SLC35F4: variants seen among roughly 807,000 people sequenced by gnomAD.
SLC35F4 encodes solute carrier family 35 member F4, also known as chromosome 14 open reading frame 36.
Under a neutral mutation model 44.2 loss-of-function variants are expected in SLC35F4, and 24 were observed. The observed-to-expected ratio is 0.54, with a 90% CI of 0.39 to 0.76. The LOEUF (loss-of-function observed/expected upper bound fraction) is 0.76, where lower values mean the gene tolerates loss of function less well. SLC35F4 is among the 30% of genes least tolerant of loss of function. The pLI is 0.00. For missense variants in SLC35F4, 562 were observed against 586.1 expected (o/e 0.96, Z 0.42); for synonymous variants, 238 against 223.6 (o/e 1.06, Z -0.57).
intron 1 of SLC35F4, among the ~76,000 whole-genome samples, chr14:57,722,913 T>C (rs376024681): frequency 2.0e-5 from 3 of 152,200 alleles, no homozygotes; most frequent in African/African-American, 7.2e-5. Context: ...AGGGGAAGGC[T>C]GGGTTCCCTT....
intron 1 of SLC35F4, among the ~76,000 whole-genome samples, chr14:57,728,441 CTTTTTTTTTTTTTT>C (rs869064667): frequency 1.2e-4 from 7 of 59,026 alleles, no homozygotes; most frequent in Admixed American, 2.7e-4. Context: ...TTCTTTCTTT[CTTTTTTTTTTTTTT>C]TTTTTTTTTT....
intron 1 of SLC35F4, among the ~76,000 whole-genome samples, chr14:57,684,982 G>C (rs553765625): frequency 6.6e-6 from 1 of 152,130 alleles, no homozygotes; most frequent in South Asian, 2.1e-4. Context: ...TGAGCTATGG[G>C]TCTTAAGTGT....
Position 57,871,142 on chromosome 14 carries a change from C to A in SLC35F4, n.282+110771G>T, listed in dbSNP as rs568109420. ...GGCAGGCCCATTAGCCATTAGGCTTCCCAGCTTCAGCAGATATTCTGGTGC... is the reference window on the plus strand; with the variant it reads ...GGCAGGCCCATTAGCCATTAGGCTTACCAGCTTCAGCAGATATTCTGGTGC... On this transcript the variant is annotated intron_variant and non_coding_transcript_variant, in intron 1 of 1. Coordinates refer to the SLC35F4 transcript ENST00000556568. Among the ~76,000 whole-genome samples, 14 of 152,312 alleles carry A rather than the reference C, an allele frequency of 9.2e-5. No individual in the cohort carries two copies. The South Asian group carries it at 2.9e-3, about 32-fold the overall frequency.
intron 1 of SLC35F4, among the ~76,000 whole-genome samples, chr14:57,767,618 C>T (rs576896250): frequency 6.6e-6 from 1 of 151,138 alleles, no homozygotes; most frequent in African/African-American, 2.4e-5. Flanking sequence ...AACCAAGAAA[C>T]TAGAAAAGGA....
intron 1 of SLC35F4, among the ~76,000 whole-genome samples, chr14:57,710,075 A>G (rs181257821): frequency 5.9e-4 from 90 of 152,320 alleles, no homozygotes; most frequent in African/African-American, 2.0e-3. Flanking sequence ...AGGCCCTCCC[A>G]TCACAGGCCC....
intron 1 of SLC35F4, among the ~76,000 whole-genome samples, chr14:57,843,590 C>T (rs1595192242): frequency 6.6e-6 from 1 of 152,104 alleles, no homozygotes; most frequent in South Asian, 2.1e-4. Context: ...ACCTAAACTA[C>T]CACCAACTTT....
intron 1 of SLC35F4, among the ~76,000 whole-genome samples, chr14:57,688,851 A>G (rs1450364421): frequency 1.3e-5 from 2 of 152,130 alleles, no homozygotes; most frequent in African/African-American, 4.8e-5. Context: ...ATTATTTACC[A>G]TTGTAAATTA....
upstream of SLC35F4, among the ~76,000 whole-genome samples, chr14:57,867,465 A>C (rs1477856577): frequency 6.6e-6 from 1 of 152,022 alleles, no homozygotes; most frequent in Non-Finnish European, 1.5e-5. Flanking sequence ...TTCCTCCTAC[A>C]CCTGTTTTCT....
intron 1 of SLC35F4, among the ~76,000 whole-genome samples, chr14:57,724,415 G>A (rs1464777635): frequency 6.6e-6 from 1 of 152,152 alleles, no homozygotes; most frequent in Non-Finnish European, 1.5e-5. Flanking sequence ...GGGTTTTGGT[G>A]GAAACTGAAC....
In SLC35F4 at chr14:57,581,441, A is replaced by G. The variant is rs1166350474; in HGVS notation, c.588-8T>C. ...AAAATCCGACTGCATTCCCTAGGAA[A>G]GAAAAGAGAAGTTAATATCCAGGTA... On this transcript the variant is annotated splice_region_variant and splice_polypyrimidine_tract_variant and intron_variant, in intron 3 of 7. Coordinates refer to ENST00000556826, the MANE Select transcript of SLC35F4 (RefSeq NM_001306087.2). The G allele has an allele frequency of 2.5e-6, 4 of 1,599,482 alleles. No individual in the cohort carries two copies. Among genetic ancestry groups the G allele is most frequent in the Non-Finnish European group, 8.5e-7 (1 of 1,172,578 alleles).
intron 1 of SLC35F4, among the ~76,000 whole-genome samples, chr14:57,625,373 T>C (rs1251202521): frequency 1.3e-5 from 2 of 152,200 alleles, no homozygotes; most frequent in African/African-American, 4.8e-5. Context: ...ATGGCCATAC[T>C]GCCCCAAGTA....
intron 1 of SLC35F4, among the ~76,000 whole-genome samples, chr14:57,745,231 A>G: frequency 6.6e-6 from 1 of 152,238 alleles, no homozygotes. Context: ...AAATTGACAA[A>G]TGGGATCTAA....
At chr14:57,592,427 A>C (rs539286626) in intron 2 of SLC35F4, among the ~76,000 whole-genome samples, 57 of 152,336 alleles carry the variant, frequency 3.7e-4, no homozygotes, top group African/African-American at 1.3e-3. Flanking sequence ...AGTGCTTCCA[A>C]TAATCACAGA....
intron 1 of SLC35F4, among the ~76,000 whole-genome samples, chr14:57,900,620 G>C (rs1392349003): frequency 6.6e-6 from 1 of 152,186 alleles, no homozygotes; most frequent in East Asian, 1.9e-4. Context: ...CAAGGCACAG[G>C]CAAAGATTTC....
At chr14:57,648,087 T>C (rs1374395206) in intron 1 of SLC35F4, among the ~76,000 whole-genome samples, 1 of 152,214 alleles carries the variant, frequency 6.6e-6, no homozygotes, top group Non-Finnish European at 1.5e-5. Flanking sequence ...GATTTTACTG[T>C]GACAGTAACT....
Position 57,908,112 on chromosome 14 carries a change from G to A in SLC35F4, n.282+73801C>T, listed in dbSNP as rs1336866302. On this transcript the variant is annotated intron_variant and non_coding_transcript_variant, in intron 1 of 1. Transcript: ENST00000556568. ...CCAGCTTCATCCATGTCCCTGCAAA[G>A]GACATGATCTCATTCATTTTTATGG... Among the ~76,000 whole-genome samples the A allele has an allele frequency of 2.0e-5, 3 of 152,262 alleles. No individual in the cohort carries two copies. In the East Asian group the frequency reaches 5.8e-4, roughly 29 times the overall value.
chr14:57,982,385 G>A (rs1881406483), upstream of SLC35F4, among the ~76,000 whole-genome samples: 3 of 152,160 alleles, frequency 2.0e-5, no homozygotes, highest in East Asian at 5.8e-4. Context: ...AAACAGAGCC[G>A]GACACTGCCG....
chr14:57,903,385 C>T, intron 1 of SLC35F4, among the ~76,000 whole-genome samples: 1 of 152,164 alleles, frequency 6.6e-6, no homozygotes, highest in East Asian at 1.9e-4. Flanking sequence ...GGAAACTGAT[C>T]AGATTTTGGC....
chr14:57,970,944 G>T (rs1407503566), intron 1 of SLC35F4, among the ~76,000 whole-genome samples: 1 of 152,200 alleles, frequency 6.6e-6, no homozygotes, highest in African/African-American at 2.4e-5. Flanking sequence ...TCCAGTTCCA[G>T]TTAGGTTTTG....
Sources: gnomAD v4.1 joint callset for allele counts (sites outside exome capture counted in the v4.1 genomes callset) on GRCh38, gnomAD v4.1.1 for gene constraint, MANE v1.5 for transcripts, NCBI Gene and HGNC (gene_info 2026-07-23, HGNC 2026-07-21) for gene names.